Variants in EPN1 observed in about 807,000 individuals in gnomAD.
EPN1 encodes the protein epsin-1.
EPN1 carries 25 observed loss-of-function variants against 56.9 expected under a neutral mutation model. The observed-to-expected ratio is 0.44, with a 90% CI of 0.32 to 0.61. EPN1 has a LOEUF of 0.61. EPN1 is among the 20% of genes least tolerant of loss of function. The probability of loss-of-function intolerance (pLI) is 0.05; values close to 1 mark genes in which losing one functional copy is unlikely to be tolerated. For missense variants in EPN1, 785 were observed against 823.7 expected (o/e 0.95, Z 0.58); for synonymous variants, 411 against 361.8 (o/e 1.14, Z -1.54).
rs570473089 is a variant in EPN1, at chr19:55,698,676, C to G, written c.*3320C>G. 1 of 152,340 alleles carries G rather than the reference C, an allele frequency of 6.6e-6. No individual in the cohort carries two copies. Among genetic ancestry groups the G allele is most frequent in the Non-Finnish European group, 1.5e-5 (1 of 68,102 alleles). The allele number at this position is 152,340 out of a possible 1,614,324, so 9.4% of individuals were successfully genotyped here. On this transcript the variant is annotated 3_prime_UTR_variant, in exon 11 of 11. Coordinates refer to ENST00000270460, the MANE Select transcript of EPN1 (RefSeq NM_001130072.2). ...TTTTATACTGAAACTCAATTTTACA[C>G]ACACAAACCCACTCCCAGCCAGCCT...
intron 3 of EPN1, among the ~76,000 whole-genome samples, chr19:55,687,442 G>C (rs1376147985): frequency 6.6e-6 from 1 of 152,150 alleles, no homozygotes; most frequent in Admixed American, 6.5e-5. Context: ...CCTGTGATGT[G>C]GGAGGTGGGG....
chr19:55,692,136 A>G, intron 7 of EPN1, 79 bp downstream of exon 7: 2 of 1,333,480 alleles, frequency 1.5e-6, no homozygotes, highest in South Asian at 3.5e-5. Flanking sequence ...TTGGACAGGG[A>G]CAGATCGAGC....
At chr19:55,681,514 G>A (rs1279391864) in intron 2 of EPN1, among the ~76,000 whole-genome samples, 1 of 152,208 alleles carries the variant, frequency 6.6e-6, no homozygotes, top group East Asian at 1.9e-4. Context: ...CCCACTCACA[G>A]CCTGTGTTTG....
chr19:55,691,888 C>A lies in EPN1; in HGVS notation c.897C>A (p.Pro299=). ...CCACCTCGGACCCCTGGGGCGGCCC[C>A]CCTGTCCCTCCAGCTGCTGATCCCT... ...AAPTSDPWGG[P]PVPPAADPWG... The change falls in exon 7 of 11, where the codon CCC becomes CCA. Residue 299 remains proline, a synonymous_variant. Transcript: ENST00000270460. The surrounding 1 kb of genome is among the most constrained non-coding windows in gnomAD (Gnocchi z 5.6). 6.9e-6 allele frequency: 11 copies of A among 1,600,418 alleles called. No homozygotes were observed. The highest frequency in any genetic ancestry group is 9.4e-6 in the Non-Finnish European group (11 of 1,173,532).
Position 55,695,490 on chromosome 19 carries a change from T to C in EPN1, c.*134T>C. On this transcript the variant is annotated 3_prime_UTR_variant, in exon 11 of 11. Transcript: ENST00000270460. The surrounding 1 kb of genome is among the most constrained non-coding windows in gnomAD (Gnocchi z 4.4). ...TCCCCTTCCTGGGGCCCACTCACAC[T>C]ACACCCTCTTCCTTTCCCACCCCAC... 1 of 608,150 alleles carries C rather than the reference T, an allele frequency of 1.6e-6. No individual in the cohort carries two copies. The highest frequency in any genetic ancestry group is 2.9e-6 in the Non-Finnish European group (1 of 344,214). The allele number at this position is 608,150 out of a possible 1,614,324, so 37.7% of individuals were successfully genotyped here.
rs537366088 is a variant in EPN1 at position 55,699,648 on chromosome 19, G to A, written c.*4292G>A. 37 of 152,290 alleles carry A rather than the reference G, an allele frequency of 2.4e-4. No homozygotes were observed. The highest frequency in any genetic ancestry group is 8.2e-4 in the African/African-American group (34 of 41,560). 9.4% of individuals were successfully genotyped at this position (152,290 alleles called of 1,614,324 possible). A position where few individuals can be genotyped will look rare whatever the true frequency, so the allele number is the denominator to read the frequency against. On this transcript the variant is annotated 3_prime_UTR_variant, in exon 11 of 11. Transcript: ENST00000270460. Reference sequence around the variant, plus strand: ...GTGGCAGAGACCGAGTGTCCCTTGAGCCTAAAATATTTACTATCTGGCTCT... The same window carrying A: ...GTGGCAGAGACCGAGTGTCCCTTGAACCTAAAATATTTACTATCTGGCTCT...
At position 55,704,561 on chromosome 19, in the gene EPN1, A is replaced by G. The variant is rs1987302307; in HGVS notation, c.*9205A>G. The G allele has an allele frequency of 6.6e-6, 1 of 152,102 alleles. No homozygotes were observed. Among genetic ancestry groups the G allele is most frequent in the African/African-American group, 2.4e-5 (1 of 41,398 alleles). 9.4% of individuals were successfully genotyped at this position (152,102 alleles called of 1,614,324 possible). ...GGTTTCCAGAACTGTGAGAAAATCC[A>G]TTGACGTTCTATAGCGCTCCCAGCT... On this transcript the variant is annotated 3_prime_UTR_variant, in exon 11 of 11. Coordinates refer to ENST00000270460, the MANE Select transcript of EPN1 (RefSeq NM_001130072.2).
chr19:55,697,040 G>T lies in EPN1; in HGVS notation c.*1684G>T, dbSNP rs774847481. On this transcript the variant is annotated 3_prime_UTR_variant, in exon 11 of 11. Transcript: ENST00000270460. ...GCCGGTTCCAGATTCAGTTGCAGAG[G>T]AGCATCCCCCTTGCTTAGCCAGGGA... 2 of 152,202 alleles carry T rather than the reference G, an allele frequency of 1.3e-5. No individual in the cohort carries two copies. Among genetic ancestry groups the T allele is most frequent in the African/African-American group, 2.4e-5 (1 of 41,444 alleles). 9.4% of individuals were successfully genotyped at this position (152,202 alleles called of 1,614,324 possible). A position where few individuals can be genotyped will look rare whatever the true frequency, so the allele number is the denominator to read the frequency against.
chr19:55,702,731 C>G lies in EPN1; in HGVS notation c.*7375C>G, dbSNP rs1206623762. 7 of 152,130 alleles carry G rather than the reference C, an allele frequency of 4.6e-5. No individual in the cohort carries two copies. Among genetic ancestry groups the G allele is most frequent in the African/African-American group, 1.7e-4 (7 of 41,440 alleles). 9.4% of individuals were successfully genotyped at this position (152,130 alleles called of 1,614,324 possible). ...TCTTACATCAATTGGGTATTGATTT[C>G]AGGTAGAATGGGTGAATGCATTTAT... On this transcript the variant is annotated 3_prime_UTR_variant, in exon 11 of 11. Coordinates refer to ENST00000270460, the MANE Select transcript of EPN1 (RefSeq NM_001130072.2).
At position 55,696,157 on chromosome 19, in the gene EPN1, G is replaced by A. The variant is rs1986900154; in HGVS notation, c.*801G>A. 1 of 152,408 alleles carries A rather than the reference G, an allele frequency of 6.6e-6. No homozygotes were observed. The highest frequency in any genetic ancestry group is 2.4e-5 in the African/African-American group (1 of 41,426). The allele number at this position is 152,408 out of a possible 1,614,324, so 9.4% of individuals were successfully genotyped here. On this transcript the variant is annotated 3_prime_UTR_variant, in exon 11 of 11. Transcript: ENST00000270460. ...TCGCCATCGCCCGGGCCCACCGCAA[G>A]CATCACTAATCCATCCCTGCACTCC...
At chr19:55,677,261 T>G in intron 1 of EPN1, 3 of 1,130,930 alleles carry the variant, frequency 2.7e-6, no homozygotes, top group Non-Finnish European at 3.9e-6. Context: ...GTGTCTCAGT[T>G]TCCACCCTGT....
intron 1 of EPN1, chr19:55,677,040 C>A: frequency 6.9e-7 from 1 of 1,441,372 alleles, no homozygotes; most frequent in Non-Finnish European, 9.4e-7. Context: ...CTACATCTGT[C>A]TTCAGGTGCC....
rs1453405133 is a variant in EPN1, at chr19:55,689,136, A to G, written c.603+142A>G. The G allele has an allele frequency of 1.2e-5, 16 of 1,285,108 alleles. No homozygotes were observed. The highest frequency in any genetic ancestry group is 1.6e-5 in the Non-Finnish European group (15 of 943,622). 79.6% of individuals were successfully genotyped at this position (1,285,108 alleles called of 1,614,324 possible). A position where few individuals can be genotyped will look rare whatever the true frequency, so the allele number is the denominator to read the frequency against. On this transcript the variant is annotated intron_variant, in intron 4 of 10. Coordinates refer to ENST00000270460, the MANE Select transcript of EPN1 (RefSeq NM_001130072.2). This position sits in a 1 kb window ranked among gnomAD's most constrained non-coding sequence, Gnocchi z 5.7. ...CTCGTCTCCTCCCCAGTCCTGCCTC[A>G]TCCTCACCCCGCCGTCCCTCTGCGT...
chr19:55,678,710 C>A lies in EPN1; in HGVS notation c.83C>A (p.Thr28Lys). 1 of 1,614,200 alleles carries A rather than the reference C, an allele frequency of 6.2e-7. No individual in the cohort carries two copies. The highest frequency in any genetic ancestry group is 8.5e-7 in the Non-Finnish European group (1 of 1,180,028). Reference protein sequence around the residue: ...SEAEIKVREATSNDPWGPSSS... With the variant: ...SEAEIKVREAKSNDPWGPSSS... The stretch of plus-strand genomic sequence containing the variant: ...GCGGAGATCAAGGTTCGAGAGGCCA[C>A]GAGCAATGACCCCTGGGGCCCATCC... The change falls in exon 2 of 11, where the codon ACG becomes AAG. Residue 28 changes from threonine to lysine, a missense_variant. By Grantham distance (78) the Thr-to-Lys change is moderately conservative (BLOSUM62 -1). Transcript: ENST00000270460.
rs200735009 is a variant in EPN1, at chr19:55,706,159, T to TC, written c.*10804dup. ...TTTGATTTCTTCTTCCTCCTCCTCC[T>TC]CTCTTTTCTTCTTCCTCTTCCTCCT... On this transcript the variant is annotated 3_prime_UTR_variant, in exon 11 of 11. Coordinates refer to ENST00000270460, the MANE Select transcript of EPN1 (RefSeq NM_001130072.2). 1.2e-4 allele frequency: 22 copies of TC among 180,762 alleles called. No homozygotes were observed. Among genetic ancestry groups the TC allele is most frequent in the African/African-American group, 4.4e-4 (18 of 40,894 alleles). The allele number at this position is 180,762 out of a possible 1,614,324, so 11.2% of individuals were successfully genotyped here. A position where few individuals can be genotyped will look rare whatever the true frequency, so the allele number is the denominator to read the frequency against.
rs1986941301 is a variant in EPN1, at chr19:55,697,161, C to T, written c.*1805C>T. On this transcript the variant is annotated 3_prime_UTR_variant, in exon 11 of 11. Transcript: ENST00000270460. ...CTGTTACCGGGGGAGGGGGTGCTGT[C>T]CCCAGGCAGCAGCAAGCGTCCCTTA... 1 of 152,232 alleles carries T rather than the reference C, an allele frequency of 6.6e-6. No individual in the cohort carries two copies. The highest frequency in any genetic ancestry group is 2.1e-4 in the South Asian group (1 of 4,830). The allele number at this position is 152,232 out of a possible 1,614,324, so 9.4% of individuals were successfully genotyped here. A position where few individuals can be genotyped will look rare whatever the true frequency, so the allele number is the denominator to read the frequency against.
chr19:55,678,421 A>AG (rs1208591904), intron 1 of EPN1, 106 bp from the exon 2 acceptor site: 1 of 1,164,858 alleles, frequency 8.6e-7, no homozygotes, highest in African/African-American at 1.6e-5. Context: ...GAGGTTAACA[A>AG]GGGACAGAGC....
rs1987127740 is a variant in EPN1, at chr19:55,701,293, A to G, written c.*5937A>G. 1 of 137,258 alleles carries G rather than the reference A, an allele frequency of 7.3e-6. No individual in the cohort carries two copies. Among genetic ancestry groups the G allele is most frequent in the South Asian group, 2.4e-4 (1 of 4,220 alleles). 8.5% of individuals were successfully genotyped at this position (137,258 alleles called of 1,614,324 possible). ...GCGAAACCCCGTCTCTACTAAAAAT[A>G]CAAAAATTAGCCTAGTGTGGTGGCG... On this transcript the variant is annotated 3_prime_UTR_variant, in exon 11 of 11. Transcript: ENST00000270460.
At position 55,695,028 on chromosome 19, in the gene EPN1, C is replaced by T. The variant is rs770119195; in HGVS notation, c.1522+45C>T. On this transcript the variant is annotated intron_variant, in intron 10 of 10. Transcript: ENST00000270460. The surrounding 1 kb of genome is among the most constrained non-coding windows in gnomAD (Gnocchi z 4.4). ...CTGCTCAAGTCCTTCCTGTGGGTTCCACCAGAGGAGGTGCCTCACGGGGCA... is the reference window on the plus strand; with the variant it reads ...CTGCTCAAGTCCTTCCTGTGGGTTCTACCAGAGGAGGTGCCTCACGGGGCA... 39 of 1,566,592 alleles carry T rather than the reference C, an allele frequency of 2.5e-5. No individual in the cohort carries two copies. In the Middle Eastern group the frequency reaches 5.0e-4, roughly 20 times the overall value.
Sources: allele counts gnomAD v4.1 joint callset (sites outside exome capture counted in the v4.1 genomes callset), GRCh38; gene constraint gnomAD v4.1.1; non-coding constraint Gnocchi (gnomAD v3.1); transcripts MANE v1.5; gene names NCBI Gene and HGNC (gene_info 2026-07-23, HGNC 2026-07-21).